NRG3: variants seen among roughly 807,000 people sequenced by gnomAD.
NRG3 encodes the protein pro-neuregulin-3, membrane-bound isoform.
In NRG3, 31 loss-of-function variants were observed where a neutral mutation model predicts 66.9. That is an observed-to-expected ratio of 0.46 (90% CI 0.35 to 0.63). The LOEUF (loss-of-function observed/expected upper bound fraction) is 0.63. Among genes scored for constraint, NRG3 ranks in the 20% least tolerant of loss-of-function variants. The pLI is 0.00. For synonymous variants in NRG3, 393 were observed against 359.4 expected (o/e 1.09, Z -1.06); for missense variants, 910 against 878.9 (o/e 1.04, Z -0.45).
chr10:82,483,681 G>A (rs540169304), intron 2 of NRG3, among the ~76,000 whole-genome samples: 2 of 152,262 alleles, frequency 1.3e-5, no homozygotes, highest in East Asian at 3.9e-4. Flanking sequence ...CACTAACGGA[G>A]ATTTCCTAGA....
At chr10:82,849,495 G>C (rs954903670) in intron 3 of NRG3, among the ~76,000 whole-genome samples, 1 of 152,170 alleles carries the variant, frequency 6.6e-6, no homozygotes, top group Non-Finnish European at 1.5e-5. Flanking sequence ...AAAGGAAATA[G>C]AAAATTACCA....
At chr10:82,640,743 A>G (rs896303556) in intron 2 of NRG3, among the ~76,000 whole-genome samples, 1 of 152,190 alleles carries the variant, frequency 6.6e-6, no homozygotes, top group Non-Finnish European at 1.5e-5. Context: ...AAAGCTCTTC[A>G]TTAAACATGA....
chr10:82,436,555 T>A (rs975317213), intron 2 of NRG3, among the ~76,000 whole-genome samples: 19 of 152,334 alleles, frequency 1.2e-4, no homozygotes, highest in South Asian at 4.1e-4. Context: ...AGTACTGTTA[T>A]GTGTGAATTT....
intron 1 of NRG3, among the ~76,000 whole-genome samples, chr10:81,926,046 A>C (rs10883921): frequency 0.47 from 71,313 of 152,068 alleles, 20,755 homozygotes; most frequent in East Asian, 0.81. Context: ...ATGCGAATGT[A>C]ATTTTCCTCT....
intron 1 of NRG3, among the ~76,000 whole-genome samples, chr10:82,142,406 G>A (rs545077338): frequency 6.6e-6 from 1 of 152,220 alleles, no homozygotes; most frequent in Admixed American, 6.6e-5. Context: ...TAGTCCTGAG[G>A]GATCCTGGGG....
At chr10:82,039,913 T>C (rs902155153) in intron 1 of NRG3, among the ~76,000 whole-genome samples, 1 of 152,114 alleles carries the variant, frequency 6.6e-6, no homozygotes, top group Non-Finnish European at 1.5e-5. Context: ...AAGTATTCAC[T>C]ATCTACTTCT....
At chr10:81,917,815 G>C (rs1845852064) in intron 1 of NRG3, among the ~76,000 whole-genome samples, 1 of 152,188 alleles carries the variant, frequency 6.6e-6, no homozygotes, top group Non-Finnish European at 1.5e-5. Flanking sequence ...GGACAAAACT[G>C]AGAGCATTGG....
intron 1 of NRG3, among the ~76,000 whole-genome samples, chr10:81,885,122 T>C (rs1371770169): frequency 6.6e-6 from 1 of 152,162 alleles, no homozygotes; most frequent in Non-Finnish European, 1.5e-5. Context: ...CTCTATTTTC[T>C]CTTATGGCTG....
chr10:82,138,461 C>G (rs939692731), intron 1 of NRG3, among the ~76,000 whole-genome samples: 6 of 152,044 alleles, frequency 3.9e-5, no homozygotes, highest in Admixed American at 3.9e-4. Context: ...TTCTAATCAT[C>G]CTCTTTATAG....
intron 4 of NRG3, among the ~76,000 whole-genome samples, chr10:82,909,917 T>A (rs1441282240): frequency 1.3e-5 from 2 of 152,150 alleles, no homozygotes; most frequent in Admixed American, 1.3e-4. Context: ...CATATATGAC[T>A]TGAAGAAACA....
At chr10:82,061,842 T>TTCTC (rs72439199) in intron 1 of NRG3, among the ~76,000 whole-genome samples, 1,803 of 146,858 alleles carry the variant, frequency 0.012, 15 homozygotes, top group African/African-American at 0.026. Context: ...CAGTGTCCCT[T>TTCTC]TCTCTCTCTC....
At chr10:82,698,588 A>G (rs534729626) in intron 2 of NRG3, among the ~76,000 whole-genome samples, 1 of 152,282 alleles carries the variant, frequency 6.6e-6, no homozygotes, top group South Asian at 2.1e-4. Flanking sequence ...TCATTGGGAA[A>G]ATGGGTTTAA....
At chr10:82,911,532 C>G (rs1845320831) in intron 4 of NRG3, among the ~76,000 whole-genome samples, 1 of 151,754 alleles carries the variant, frequency 6.6e-6, no homozygotes, top group South Asian at 2.1e-4. Context: ...TGTGGGCATA[C>G]ACTTGTTCAT....
intron 3 of NRG3, among the ~76,000 whole-genome samples, chr10:82,808,400 T>C (rs2061368678): frequency 6.6e-6 from 1 of 151,902 alleles, no homozygotes; most frequent in South Asian, 2.1e-4. Context: ...AATAAAGGAG[T>C]CGACTCATTT....
chr10:82,024,599 A>G (rs2132797537), intron 1 of NRG3, among the ~76,000 whole-genome samples: 1 of 152,154 alleles, frequency 6.6e-6, no homozygotes, highest in South Asian at 2.1e-4. Flanking sequence ...CCGAGATAAT[A>G]AAGCTGAATT....
intron 1 of NRG3, among the ~76,000 whole-genome samples, chr10:82,055,344 A>C (rs1330835490): frequency 6.6e-6 from 1 of 151,560 alleles, no homozygotes; most frequent in Non-Finnish European, 1.5e-5. Context: ...AGGCATGGTG[A>C]CAGGCGCCTG....
At chr10:82,694,859 G>A (rs2055246796) in intron 2 of NRG3, among the ~76,000 whole-genome samples, 1 of 152,140 alleles carries the variant, frequency 6.6e-6, no homozygotes, top group African/African-American at 2.4e-5. Flanking sequence ...ATGTCTGTAA[G>A]AAGGTTCATA....
At chr10:82,804,678 C>T (rs996136990) in intron 3 of NRG3, among the ~76,000 whole-genome samples, 4 of 152,132 alleles carry the variant, frequency 2.6e-5, no homozygotes, top group Non-Finnish European at 5.9e-5. Flanking sequence ...TGCCTTACAA[C>T]ACAAAGCCTT....
intron 3 of NRG3, among the ~76,000 whole-genome samples, chr10:82,776,116 A>T (rs563154703): frequency 1.3e-5 from 2 of 152,202 alleles, no homozygotes; most frequent in Non-Finnish European, 2.9e-5. Flanking sequence ...AGGCAGTTCT[A>T]TTGGTGATAC....
Sources: gnomAD v4.1 joint callset for allele counts (sites outside exome capture counted in the v4.1 genomes callset) on GRCh38, gnomAD v4.1.1 for gene constraint, MANE v1.5 for transcripts, NCBI Gene and HGNC (gene_info 2026-07-23, HGNC 2026-07-21) for gene names.